The following LRRC8D variants were observed in gnomAD, a reference collection of about 807,000 sequenced individuals.
The protein encoded by LRRC8D is volume-regulated anion channel subunit LRRC8D.
A neutral mutation model predicts 55.8 loss-of-function variants in LRRC8D; 20 were observed. The ratio of observed to expected loss-of-function variants is 0.36; its 90% CI spans 0.25 to 0.52. LRRC8D has a LOEUF of 0.52. Among genes scored for constraint, LRRC8D ranks in the 20% least tolerant of loss-of-function variants. The pLI, the probability that LRRC8D is intolerant of heterozygous loss-of-function variation, is 0.93. For missense variants in LRRC8D, 651 were observed against 1,030.8 expected, an observed-to-expected ratio of 0.63 and a Z score of 5.05; for synonymous variants, 352 against 377.0, an observed-to-expected ratio of 0.93 and a Z score of 0.77.
At chr1:89,849,015 T>G (rs1661347548) in intron 2 of LRRC8D, among the ~76,000 whole-genome samples, 1 of 152,132 alleles carries the variant, frequency 6.6e-6, no homozygotes, top group Non-Finnish European at 1.5e-5. Context: ...CTGTTTTATG[T>G]GAAGAAACTG....
intron 2 of LRRC8D, among the ~76,000 whole-genome samples, chr1:89,846,400 A>G (rs1378336569): frequency 6.6e-6 from 1 of 150,752 alleles, no homozygotes. Flanking sequence ...CATTTTCTCC[A>G]GTTTATGGAG....
intron 1 of LRRC8D, among the ~76,000 whole-genome samples, chr1:89,829,354 T>C (rs191951212): frequency 5.4e-4 from 82 of 152,352 alleles, no homozygotes; most frequent in African/African-American, 1.9e-3. Flanking sequence ...GAGTGAAAGA[T>C]AGACTTATTC....
At chr1:89,923,413 T>C (rs1220384788) in intron 2 of LRRC8D, among the ~76,000 whole-genome samples, 2 of 152,212 alleles carry the variant, frequency 1.3e-5, no homozygotes, top group Admixed American at 6.5e-5. Context: ...CCTCAAGATA[T>C]GGATAGGATG....
At chr1:89,884,813 GT>G (rs1463719323) in intron 2 of LRRC8D, among the ~76,000 whole-genome samples, 4 of 152,192 alleles carry the variant, frequency 2.6e-5, no homozygotes, top group Admixed American at 1.3e-4. Flanking sequence ...CTTAAATGGT[GT>G]ACTGTTGGAT....
intron 2 of LRRC8D, among the ~76,000 whole-genome samples, chr1:89,898,032 G>A (rs1662757873): frequency 1.3e-5 from 2 of 152,208 alleles, no homozygotes; most frequent in African/African-American, 4.8e-5. Flanking sequence ...CTCCTAAGCA[G>A]CTGAATAAAG....
At chr1:89,928,919 C>A (rs1005585442) in intron 2 of LRRC8D, among the ~76,000 whole-genome samples, 1 of 152,184 alleles carries the variant, frequency 6.6e-6, no homozygotes, top group Admixed American at 6.5e-5. Context: ...ATCCAGGTTG[C>A]TTTGTGGTAG....
At chr1:89,835,509 G>A (rs188661580) in intron 1 of LRRC8D, among the ~76,000 whole-genome samples, 1 of 152,264 alleles carries the variant, frequency 6.6e-6, no homozygotes, top group East Asian at 1.9e-4. Context: ...TTATGCCCCT[G>A]TGCTAGATTT....
Position 89,884,048 on chromosome 1 carries a change from C to T in LRRC8D, c.-3+40266C>T, listed in dbSNP as rs6665116. On this transcript the variant is annotated intron_variant, in intron 2 of 2. Coordinates refer to ENST00000337338, the MANE Select transcript of LRRC8D (RefSeq NM_001134479.2). ...AGGTAAAGTTTATAAGAAAGCAAAC[C>T]AGCTAGGTTAGAGCGTGTTTCATGT... is the stretch of plus-strand genomic sequence containing the variant. 9.5e-3 allele frequency among the ~76,000 whole-genome samples: 1,443 copies of T among 152,276 alleles called. 15 individuals carry two copies. The highest frequency in any genetic ancestry group is 0.033 in the African/African-American group (1,382 of 41,556).
chr1:89,914,955 A>G (rs1380515955), intron 2 of LRRC8D, among the ~76,000 whole-genome samples: 1 of 151,770 alleles, frequency 6.6e-6, no homozygotes, highest in Non-Finnish European at 1.5e-5. Flanking sequence ...AAACTACTTA[A>G]GATAAGTATG....
intron 2 of LRRC8D, among the ~76,000 whole-genome samples, chr1:89,876,915 G>C (rs1231863923): frequency 1.3e-5 from 2 of 152,234 alleles, no homozygotes; most frequent in Non-Finnish European, 2.9e-5. Flanking sequence ...GGTAGCCACT[G>C]GCCCTTGAAG....
intron 2 of LRRC8D, among the ~76,000 whole-genome samples, chr1:89,921,973 T>C (rs1218365087): frequency 6.6e-6 from 1 of 152,212 alleles, no homozygotes; most frequent in Non-Finnish European, 1.5e-5. Flanking sequence ...TTACCCTGGC[T>C]AACAAATGGG....
chr1:89,844,269 G>C (rs1661218558), intron 2 of LRRC8D, among the ~76,000 whole-genome samples: 1 of 152,206 alleles, frequency 6.6e-6, no homozygotes, highest in African/African-American at 2.4e-5. Context: ...AAGGTGGACA[G>C]GAGAAAAGAA....
rs1163725856 is a variant in LRRC8D at position 89,936,182 on chromosome 1, G to A, written c.*537G>A. On this transcript the variant is annotated 3_prime_UTR_variant, in exon 3 of 3. Coordinates refer to ENST00000337338, the MANE Select transcript of LRRC8D (RefSeq NM_001134479.2). ...TAAGCACCTCTCACAACAGTTGACT[G>A]GTACTGCTGCTCCTGAGCACCTCGT... 6.0e-6 allele frequency: 1 copy of A among 167,790 alleles called. No homozygotes were observed. The highest frequency in any genetic ancestry group is 1.5e-5 in the Non-Finnish European group (1 of 68,760). The allele number at this position is 167,790 out of a possible 1,614,324, so 10.4% of individuals were successfully genotyped here.
intron 2 of LRRC8D, among the ~76,000 whole-genome samples, chr1:89,845,917 G>A (rs918258571): frequency 3.9e-5 from 6 of 152,100 alleles, no homozygotes; most frequent in African/African-American, 1.4e-4. Flanking sequence ...GAGTAGCTGG[G>A]ATTACAGGCA....
At chr1:89,882,915 T>TAG in intron 2 of LRRC8D, among the ~76,000 whole-genome samples, 1 of 152,264 alleles carries the variant, frequency 6.6e-6, no homozygotes, top group South Asian at 2.1e-4. Flanking sequence ...GTAATGAGCC[T>TAG]AGGGCATATG....
intron 1 of LRRC8D, among the ~76,000 whole-genome samples, chr1:89,840,708 GT>G (rs1440027735): frequency 9.2e-5 from 14 of 152,304 alleles, no homozygotes; most frequent in African/African-American, 3.4e-4. Context: ...ACTGTTAACT[GT>G]TTTTAGATTA....
intron 2 of LRRC8D, among the ~76,000 whole-genome samples, chr1:89,891,190 T>C (rs1557470401): frequency 6.6e-6 from 1 of 152,226 alleles, no homozygotes. Context: ...TCAGTTTTTG[T>C]CTTTCATAAC....
intron 2 of LRRC8D, among the ~76,000 whole-genome samples, chr1:89,910,145 G>A (rs1024537895): frequency 9.9e-5 from 15 of 152,248 alleles, no homozygotes; most frequent in South Asian, 2.1e-4. Context: ...AGATTATACC[G>A]AATATTTGGT....
intron 2 of LRRC8D, among the ~76,000 whole-genome samples, chr1:89,850,427 T>A (rs1435944071): frequency 6.6e-6 from 1 of 152,204 alleles, no homozygotes; most frequent in African/African-American, 2.4e-5. Context: ...CTCTTCCTTC[T>A]CCACTTTTCA....
Sources: gnomAD v4.1 joint callset for allele counts (sites outside exome capture counted in the v4.1 genomes callset) on GRCh38, gnomAD v4.1.1 for gene constraint, MANE v1.5 for transcripts, NCBI Gene and HGNC (gene_info 2026-07-23, HGNC 2026-07-21) for gene names.